The following MAGI2 variants were observed in gnomAD, a reference collection of about 807,000 sequenced individuals.
MAGI2 encodes the protein membrane associated guanylate kinase, WW and PDZ domain containing 2.
In MAGI2, 35 loss-of-function variants were observed where a neutral mutation model predicts 133.3. The observed-to-expected ratio is 0.26, with a 90% CI of 0.20 to 0.35. The LOEUF is 0.35. MAGI2 is among the 10% of genes least tolerant of loss of function. The pLI is 1.00. For missense variants in MAGI2, 1,636 were observed against 1,863.4 expected, an observed-to-expected ratio of 0.88 and a Z score of 2.25; for synonymous variants, 729 against 710.6, an observed-to-expected ratio of 1.03 and a Z score of -0.41.
At chr7:78,901,663 T>C (rs2052407) in intron 2 of MAGI2, among the ~76,000 whole-genome samples, 68,861 of 151,594 alleles carry the variant, frequency 0.45, 16,320 homozygotes, top group East Asian at 0.8. Context: ...CATGCTCAAA[T>C]GAAATATACT....
chr7:79,346,948 G>A (rs1217497098), intron 1 of MAGI2, among the ~76,000 whole-genome samples: 2 of 151,942 alleles, frequency 1.3e-5, no homozygotes, highest in Admixed American at 6.6e-5. Flanking sequence ...GATCTTATGT[G>A]AGCATAGAGA....
At chr7:78,393,699 A>G (rs549261702) in intron 6 of MAGI2, among the ~76,000 whole-genome samples, 2 of 152,364 alleles carry the variant, frequency 1.3e-5, no homozygotes, top group South Asian at 4.1e-4. Flanking sequence ...AGAGACATTG[A>G]CAAGGAAGAA....
At chr7:78,271,887 A>G (rs1794615503) in intron 9 of MAGI2, among the ~76,000 whole-genome samples, 1 of 151,878 alleles carries the variant, frequency 6.6e-6, no homozygotes, top group South Asian at 2.1e-4. Context: ...GACCTTTTCT[A>G]AAAACCAGCT....
At chr7:78,671,371 C>G (rs1464017859) in intron 2 of MAGI2, among the ~76,000 whole-genome samples, 1 of 150,934 alleles carries the variant, frequency 6.6e-6, no homozygotes, top group Non-Finnish European at 1.5e-5. Context: ...AAATTTTAAA[C>G]AGATACTTTG....
chr7:78,732,751 T>C (rs534534250), intron 2 of MAGI2, among the ~76,000 whole-genome samples: 3 of 152,112 alleles, frequency 2.0e-5, no homozygotes, highest in African/African-American at 7.2e-5. Context: ...GCAATGATTA[T>C]ATAGCTGAGG....
intron 2 of MAGI2, among the ~76,000 whole-genome samples, chr7:78,971,980 T>C (rs1296830220): frequency 6.6e-6 from 1 of 151,954 alleles, no homozygotes; most frequent in Admixed American, 6.6e-5. Context: ...TTTTTTGAGT[T>C]CTACAAATGT....
chr7:79,086,936 T>A (rs1416284549), intron 1 of MAGI2, among the ~76,000 whole-genome samples: 1 of 151,770 alleles, frequency 6.6e-6, no homozygotes, highest in Non-Finnish European at 1.5e-5. Context: ...TCCTCCATTA[T>A]ATAAATATTA....
chr7:79,333,825 C>T (rs1426658594), intron 1 of MAGI2, among the ~76,000 whole-genome samples: 1 of 152,110 alleles, frequency 6.6e-6, no homozygotes, highest in Non-Finnish European at 1.5e-5. Context: ...GCACAAACAA[C>T]TCAAGTGGAA....
intron 1 of MAGI2, among the ~76,000 whole-genome samples, chr7:79,302,797 A>G (rs1422181652): frequency 2.0e-5 from 3 of 152,184 alleles, no homozygotes; most frequent in South Asian, 4.1e-4. Flanking sequence ...AGCTTATGAT[A>G]AAAACATGGC....
At chr7:79,100,893 G>T (rs1294985543) in intron 1 of MAGI2, among the ~76,000 whole-genome samples, 2 of 151,758 alleles carry the variant, frequency 1.3e-5, no homozygotes, top group East Asian at 3.9e-4. Flanking sequence ...TAAAATAAAA[G>T]ATTATCCAGT....
chr7:79,017,833 C>T (rs1327735292), intron 1 of MAGI2, among the ~76,000 whole-genome samples: 1 of 152,020 alleles, frequency 6.6e-6, no homozygotes, highest in East Asian at 1.9e-4. Flanking sequence ...GAAAAAAAGT[C>T]ACAGCTTGAA....
chr7:78,185,760 C>T, intron 12 of MAGI2, 90 bp from the exon 13 acceptor site: 2 of 962,496 alleles, frequency 2.1e-6, no homozygotes, highest in Admixed American at 1.9e-5. Context: ...ATCATAACTC[C>T]CCCAACCACA....
At chr7:78,738,852 C>G (rs577462159) in intron 2 of MAGI2, among the ~76,000 whole-genome samples, 2 of 151,908 alleles carry the variant, frequency 1.3e-5, no homozygotes, top group African/African-American at 4.8e-5. Context: ...GCATGGCAGC[C>G]AAAGTGAGTA....
At chr7:78,374,901 G>A (rs1860534) in intron 6 of MAGI2, among the ~76,000 whole-genome samples, 124,171 of 151,962 alleles carry the variant, frequency 0.82, 50,847 homozygotes, top group Admixed American at 0.85. Flanking sequence ...GGACAGTGGC[G>A]CAATCTTGGC....
intron 3 of MAGI2, among the ~76,000 whole-genome samples, chr7:78,620,173 T>C (rs932060354): frequency 2.0e-5 from 3 of 151,906 alleles, no homozygotes; most frequent in Non-Finnish European, 4.4e-5. Flanking sequence ...TTTCAAGAAA[T>C]ATTATTTATA....
chr7:78,115,601 T>C (rs1001879228), intron 20 of MAGI2, among the ~76,000 whole-genome samples: 1 of 152,094 alleles, frequency 6.6e-6, no homozygotes, highest in African/African-American at 2.4e-5. Context: ...AGTAGGTCAC[T>C]ACATAATGAG....
At chr7:79,103,666 C>A (rs1171111445) in intron 1 of MAGI2, among the ~76,000 whole-genome samples, 1 of 151,820 alleles carries the variant, frequency 6.6e-6, no homozygotes, top group Non-Finnish European at 1.5e-5. Flanking sequence ...TTCTAGAAAG[C>A]TGGCAGCATT....
intron 1 of MAGI2, among the ~76,000 whole-genome samples, chr7:79,349,284 A>T (rs1245143670): frequency 2.0e-5 from 3 of 151,938 alleles, no homozygotes; most frequent in Non-Finnish European, 2.9e-5. Flanking sequence ...ATTAGCATTC[A>T]TTATCTTGCA....
At chr7:78,482,188 C>A (rs6947942) in intron 6 of MAGI2, among the ~76,000 whole-genome samples, 9,802 of 151,724 alleles carry the variant, frequency 0.065, 773 homozygotes, top group African/African-American at 0.19. Flanking sequence ...AAATTAAAAC[C>A]AAAAAGCAGT....
Sources: gnomAD v4.1 joint callset for allele counts (sites outside exome capture counted in the v4.1 genomes callset) on GRCh38, gnomAD v4.1.1 for gene constraint, MANE v1.5 for transcripts, NCBI Gene and HGNC (gene_info 2026-07-23, HGNC 2026-07-21) for gene names.